The following STK33 variants were observed in gnomAD, a reference collection of about 807,000 sequenced individuals.
The protein encoded by STK33 is serine/threonine kinase 33.
STK33 carries 52 observed loss-of-function variants against 58.0 expected under a neutral mutation model. The ratio of observed to expected loss-of-function variants is 0.90; its 90% CI spans 0.72 to 1.13. The LOEUF (loss-of-function observed/expected upper bound fraction) is 1.13. STK33 is among the 50% of genes most tolerant of loss of function. STK33 has a pLI of 0.00. For synonymous variants in STK33, 215 were observed against 200.1 expected (o/e 1.07, Z -0.63); for missense variants, 630 against 604.2 (o/e 1.04, Z -0.45).
At chr11:8,386,727 C>T in the STK33 span, among the ~76,000 whole-genome samples, 3 of 152,172 alleles carry the variant, frequency 2.0e-5, no homozygotes, top group African/African-American at 7.2e-5. Flanking sequence ...TGCGCCTAAC[C>T]GTCCTCTAAA....
chr11:8,501,812 C>A (rs747322368), intron 1 of STK33, among the ~76,000 whole-genome samples: 1 of 152,106 alleles, frequency 6.6e-6, no homozygotes, highest in Admixed American at 6.5e-5. Context: ...CAAAAATGCC[C>A]ATCAGCTGAT....
rs1313869864 is a variant in STK33 at position 8,392,465 on chromosome 11, A to G, written c.*45T>C. 5 of 1,608,990 alleles carry G rather than the reference A, an allele frequency of 3.1e-6. No homozygotes were observed. The highest frequency in any genetic ancestry group is 8.5e-7 in the Non-Finnish European group (1 of 1,177,094). ...CTCCTACCCCCTCATCAAAGTGCTAACAAGAGCAGCTTTGTTTTTGTACTG... is the reference window on the plus strand; with the variant it reads ...CTCCTACCCCCTCATCAAAGTGCTAGCAAGAGCAGCTTTGTTTTTGTACTG... On this transcript the variant is annotated 3_prime_UTR_variant, in exon 16 of 16. Coordinates refer to ENST00000687296, the MANE Select transcript of STK33 (RefSeq NM_001352389.2).
the STK33 span, among the ~76,000 whole-genome samples, chr11:8,339,496 A>C: frequency 6.6e-6 from 1 of 152,206 alleles, no homozygotes; most frequent in African/African-American, 2.4e-5. Flanking sequence ...CAGAATAATA[A>C]ATTGTTCCTG....
chr11:8,512,622 T>A (rs1024899026), intron 1 of STK33, among the ~76,000 whole-genome samples: 1 of 151,042 alleles, frequency 6.6e-6, no homozygotes, highest in Non-Finnish European at 1.5e-5. Context: ...CTTAAGCTTA[T>A]ATTTTTTATT....
intron 1 of STK33, among the ~76,000 whole-genome samples, chr11:8,508,168 G>T (rs891896392): frequency 1.3e-4 from 20 of 151,928 alleles, no homozygotes; most frequent in Non-Finnish European, 4.4e-5. Context: ...TGGGATTACA[G>T]GTGTGAACCA....
chr11:8,398,265 A>C (rs1219083139), intron 15 of STK33, among the ~76,000 whole-genome samples: 1 of 152,254 alleles, frequency 6.6e-6, no homozygotes, highest in Non-Finnish European at 1.5e-5. Context: ...CTGATCTCTC[A>C]GCAGAAACTC....
chr11:8,413,773 T>C, intron 14 of STK33, 81 bp from the exon 15 acceptor site: 2 of 1,268,792 alleles, frequency 1.6e-6, no homozygotes, highest in Non-Finnish European at 2.2e-6. Flanking sequence ...CGAGACAGTC[T>C]CCCAAATTCA....
intron 14 of STK33, among the ~76,000 whole-genome samples, chr11:8,424,034 T>A (rs1237810640): frequency 1.3e-5 from 2 of 151,862 alleles, no homozygotes; most frequent in East Asian, 1.9e-4. Context: ...CATGTGCACA[T>A]TGTGCAGGTT....
In STK33 at chr11:8,523,484, G is replaced by T. The variant is rs951766168; in HGVS notation, c.-465-42870C>A. 1.8e-4 allele frequency among the ~76,000 whole-genome samples: 27 copies of T among 146,012 alleles called. No individual in the cohort carries two copies. In the East Asian group the frequency reaches 5.8e-3, roughly 32 times the overall value. ...TGAGGAGCCCCTCCACCCGGCGGCCGCCCTGTCTGAGAAGCGAGGAGCCCC... is the reference window on the plus strand; with the variant it reads ...TGAGGAGCCCCTCCACCCGGCGGCCTCCCTGTCTGAGAAGCGAGGAGCCCC... On this transcript the variant is annotated intron_variant, in intron 1 of 15. Transcript: ENST00000687296.
At chr11:8,447,818 A>G (rs1403468853) in intron 11 of STK33, among the ~76,000 whole-genome samples, 1 of 152,210 alleles carries the variant, frequency 6.6e-6, no homozygotes, top group Non-Finnish European at 1.5e-5. Flanking sequence ...AATAAAGGGT[A>G]TTCAATTAGG....
chr11:8,533,744 T>A (rs942988633), intron 1 of STK33, among the ~76,000 whole-genome samples: 1 of 152,218 alleles, frequency 6.6e-6, no homozygotes, highest in Non-Finnish European at 1.5e-5. Context: ...ATTTGATATG[T>A]AAAATAAAGT....
chr11:8,347,438 C>T, the STK33 span, among the ~76,000 whole-genome samples: 1 of 152,242 alleles, frequency 6.6e-6, no homozygotes, highest in South Asian at 2.1e-4. Context: ...TGATGGGCAA[C>T]AAAGGTTTAT....
At chr11:8,549,434 T>C (rs1956158811) in intron 1 of STK33, among the ~76,000 whole-genome samples, 1 of 152,098 alleles carries the variant, frequency 6.6e-6, no homozygotes, top group Non-Finnish European at 1.5e-5. Flanking sequence ...TGTAGTTTTC[T>C]GTTTTTGTTT....
At chr11:8,393,554 C>A (rs537141558) in intron 15 of STK33, among the ~76,000 whole-genome samples, 1 of 152,184 alleles carries the variant, frequency 6.6e-6, no homozygotes, top group African/African-American at 2.4e-5. Flanking sequence ...AGGAGACCCA[C>A]AAAGCAGCAC....
chr11:8,378,947 C>T, the STK33 span, among the ~76,000 whole-genome samples: 1 of 152,072 alleles, frequency 6.6e-6, no homozygotes, highest in Non-Finnish European at 1.5e-5. Flanking sequence ...AAAGTAGACA[C>T]GTAGACCAAT....
intron 1 of STK33, among the ~76,000 whole-genome samples, chr11:8,485,892 T>C (rs931986171): frequency 3.3e-5 from 5 of 152,244 alleles, no homozygotes; most frequent in African/African-American, 7.2e-5. Flanking sequence ...TTGAAATAGA[T>C]AGCTTTATTA....
intron 1 of STK33, among the ~76,000 whole-genome samples, chr11:8,552,197 G>T (rs891994310): frequency 6.6e-6 from 1 of 152,240 alleles, no homozygotes; most frequent in Non-Finnish European, 1.5e-5. Flanking sequence ...CATTATGCCA[G>T]CTTGGGGAAG....
chr11:8,423,174 A>G (rs1002595576), intron 14 of STK33, among the ~76,000 whole-genome samples: 10 of 148,882 alleles, frequency 6.7e-5, no homozygotes, highest in African/African-American at 2.5e-4. Context: ...TTCACCAAAG[A>G]TTTATTTATT....
rs183835056 is a variant in STK33, at chr11:8,556,994, T to G, written c.-466+37089A>C. 1.6e-3 allele frequency among the ~76,000 whole-genome samples: 242 copies of G among 151,850 alleles called. 1 individual carries two copies. Among genetic ancestry groups the G allele is most frequent in the African/African-American group, 5.6e-3 (230 of 41,426 alleles). ...AACCAGGCATGGTGTCTCATGCCTG[T>G]AATCCCAACACTTTGGGAGGCCAAA... On this transcript the variant is annotated intron_variant, in intron 1 of 15. Transcript: ENST00000687296.
Sources: allele counts gnomAD v4.1 joint callset (sites outside exome capture counted in the v4.1 genomes callset), GRCh38; gene constraint gnomAD v4.1.1; transcripts MANE v1.5; gene names NCBI Gene and HGNC (gene_info 2026-07-23, HGNC 2026-07-21).